DCTN1: variants seen among roughly 807,000 people sequenced by gnomAD.
DCTN1 encodes the protein 150 kDa dynein-associated polypeptide.
In DCTN1, 61 loss-of-function variants were observed where a neutral mutation model predicts 161.2. The ratio of observed to expected loss-of-function variants is 0.38; its 90% CI spans 0.31 to 0.47. The LOEUF (loss-of-function observed/expected upper bound fraction) is 0.47. Among genes scored for constraint, DCTN1 ranks in the 20% least tolerant of loss-of-function variants. DCTN1 has a pLI of 0.99. For missense variants in DCTN1, 1,404 were observed against 1,623.7 expected (o/e 0.86, Z 2.33); for synonymous variants, 653 against 632.4 (o/e 1.03, Z -0.49).
chr2:74,361,465 G>C lies in DCTN1; in HGVS notation c.*34C>G. ...TCGGGCAGAGCGGCACCAGAGGGCT[G>C]AGGGTCGAAGGGGACAGCAGGGGAA... On this transcript the variant is annotated 3_prime_UTR_variant, in exon 32 of 32. Coordinates refer to ENST00000628224, the MANE Select transcript of DCTN1 (RefSeq NM_004082.5). 2 of 1,613,682 alleles carry C rather than the reference G, an allele frequency of 1.2e-6. No homozygotes were observed. The highest frequency in any genetic ancestry group is 1.7e-6 in the Non-Finnish European group (2 of 1,180,000).
In DCTN1 at chr2:74,369,107, G is replaced by A. The variant is rs886043620; in HGVS notation, c.1692C>T (p.Ala564=). 4 of 1,614,054 alleles carry A rather than the reference G, an allele frequency of 2.5e-6. No homozygotes were observed. Among genetic ancestry groups the A allele is most frequent in the African/African-American group, 2.7e-5 (2 of 74,940 alleles). The change falls in exon 15 of 32, where the codon GCC becomes GCT. Residue 564 remains alanine (A), a synonymous_variant. Coordinates refer to ENST00000628224, the MANE Select transcript of DCTN1 (RefSeq NM_004082.5). The surrounding 1 kb of genome is among the most constrained non-coding windows in gnomAD (Gnocchi z 4.9). ...DFKIKFAETK[A]HAKAIEMELR... ...CACACACTTTCCTGACCTTGGCATG[G>A]GCCTTAGTCTCAGCAAACTTGATTT...
chr2:74,371,210 C>T (rs764212988), intron 8 of DCTN1, 34 bp from the exon 9 acceptor site: 6 of 1,610,770 alleles, frequency 3.7e-6, no homozygotes, highest in Non-Finnish European at 5.1e-6. Flanking sequence ...CTGTGCACAG[C>T]CCACTCCTCC....
At position 74,362,694 on chromosome 2, in the gene DCTN1, C is replaced by T. The variant is rs1341287875; in HGVS notation, c.3565G>A (p.Val1189Met). The T allele has an allele frequency of 4.3e-6, 7 of 1,614,052 alleles. No homozygotes were observed. Among genetic ancestry groups the T allele is most frequent in the Non-Finnish European group, 5.9e-6 (7 of 1,179,990 alleles). Residue 1189 changes from valine to methionine, a missense_variant, in exon 30 of 32, where the codon GTG becomes ATG. Physicochemically the swap from Val to Met is conservative, Grantham distance 21 (BLOSUM62 1). This residue lies in a region of DCTN1 where 311 missense variants were observed against 298.9 expected (regional missense o/e 1.04). Transcript: ENST00000628224. The part of the protein sequence containing the change: ...KSPSAQLMEQ[V>M]AQLKSLSDTV... ...TCACTCAGGGACTTAAGCTGAGCCA[C>T]TTGCTCCATAAGTTGGGCCGACGGG...
chr2:74,367,787 G>C lies in DCTN1; in HGVS notation c.2093C>G (p.Ser698Cys). 1 of 1,614,138 alleles carries C rather than the reference G, an allele frequency of 6.2e-7. No homozygotes were observed. The highest frequency in any genetic ancestry group is 8.5e-7 in the Non-Finnish European group (1 of 1,180,036). Residue 698 changes from serine to cysteine, a missense_variant, in exon 18 of 32, where the codon TCC (serine) becomes TGC (cysteine). Ser to Cys is a moderately radical substitution (Grantham distance 112). Around this residue, in one of 9 missense-constraint regions of DCTN1, gnomAD observed 475 missense variants for 489.8 expected, o/e 0.97. Transcript: ENST00000628224. The stretch of plus-strand genomic sequence containing the variant: ...CAGCAGTTCAATGAGGAAATCCAAG[G>C]AGCGCTCATGGGCACTCATCTCAGG... ...LYPEMSAHER[S>C]LDFLIELLHK... is the part of the protein sequence containing the mutation.
chr2:74,375,383 C>T lies in DCTN1; in HGVS notation c.415-1043G>A, dbSNP rs2103703083. On this transcript the variant is annotated intron_variant, in intron 5 of 31. Coordinates refer to ENST00000628224, the MANE Select transcript of DCTN1 (RefSeq NM_004082.5). ...CATGGGTGAGAGCAGGGGCCCTCTG[C>T]TTTGAAAAATAACTACTGGAGAGGA... Among the ~76,000 whole-genome samples the T allele has an allele frequency of 1.3e-5, 2 of 152,380 alleles. 1 individual carries two copies. The highest frequency in any genetic ancestry group is 4.1e-4 in the South Asian group (2 of 4,834).
chr2:74,363,527 T>C (rs2104398747), intron 27 of DCTN1, 87 bp downstream of exon 27: 1 of 1,597,192 alleles, frequency 6.3e-7, no homozygotes, highest in Non-Finnish European at 8.5e-7. Context: ...CCATCACCCA[T>C]CTCCAGTCCT....
chr2:74,369,081 CCA>C lies in DCTN1; in HGVS notation c.1701+15_1701+16del. On this transcript the variant is annotated intron_variant, in intron 15 of 31. Transcript: ENST00000628224. This position sits in a 1 kb window ranked among gnomAD's most constrained non-coding sequence, Gnocchi z 4.9. ...CATCCCAGGCAGGGCTCCCTCAGAC[CCA>C]CACACTTTCCTGACCTTGGCATGGG... 1 of 1,612,862 alleles carries C rather than the reference CCA, an allele frequency of 6.2e-7. No homozygotes were observed. Among genetic ancestry groups the C allele is most frequent in the Non-Finnish European group, 8.5e-7 (1 of 1,179,142 alleles).
intron 3 of DCTN1, 33 bp downstream of exon 3, chr2:74,377,615 A>G (rs1675300597): frequency 6.3e-7 from 1 of 1,589,494 alleles, no homozygotes; most frequent in African/African-American, 1.3e-5. Flanking sequence ...CCTCCTGGCT[A>G]TGGGGAGGCA....
chr2:74,376,667 C>T, intron 5 of DCTN1, 75 bp downstream of exon 5: 1 of 1,407,052 alleles, frequency 7.1e-7, no homozygotes, highest in South Asian at 1.2e-5. Flanking sequence ...ATGCAGCAGC[C>T]CAGGGACATG....
chr2:74,362,777 G>T (rs1322654047), intron 29 of DCTN1, 48 bp from the exon 30 acceptor site: 1 of 1,575,470 alleles, frequency 6.3e-7, no homozygotes. Flanking sequence ...CAGGCAGGCA[G>T]TTCTACTGGA....
At chr2:74,391,811 C>G (rs778853060) in exon 1 of DCTN1, 4 of 453,804 alleles carry the variant, frequency 8.8e-6, no homozygotes, top group Non-Finnish European at 1.8e-5. Context: ...GTGAGGGGCT[C>G]CGCGCCCAGC....
rs1219824885 is a variant in DCTN1 at position 74,370,784 on chromosome 2, C to T, written c.885G>A (p.Glu295=). The change falls in exon 10 of 32, where the codon GAG becomes GAA. Residue 295 remains glutamate (E), a synonymous_variant. Coordinates refer to ENST00000628224, the MANE Select transcript of DCTN1 (RefSeq NM_004082.5). This position sits in a 1 kb window ranked among gnomAD's most constrained non-coding sequence, Gnocchi z 4.4. The part of the protein sequence containing the change: ...EALEAKERYM[E]EMADTADAIE... ...TGGCATCAGCAGTATCAGCCATCTCCTCCATATAGCGTTCCTTTGCCTCCA... is the reference window on the plus strand; with the variant it reads ...TGGCATCAGCAGTATCAGCCATCTCTTCCATATAGCGTTCCTTTGCCTCCA... The T allele has an allele frequency of 2.5e-6, 4 of 1,614,254 alleles. No homozygotes were observed. Among genetic ancestry groups the T allele is most frequent in the Non-Finnish European group, 3.4e-6 (4 of 1,180,048 alleles).
intron 4 of DCTN1, 151 bp from the exon 5 acceptor site, chr2:74,376,913 A>G: frequency 1.3e-6 from 1 of 745,352 alleles, no homozygotes; most frequent in Non-Finnish European, 2.4e-6. Flanking sequence ...CAGGATGTTC[A>G]CACCTTGGCC....
rs1480317263 is a variant in DCTN1, at chr2:74,368,794, G to T, written c.1788C>A (p.Phe596Leu). ...SLLTAFMPDS[F>L]LRPGGDHDCV... ...AGTCATGGTCCCCACCTGGCCGAAG[G>T]AAGCTGTCAGGCATGAAGGCTGTCA... Residue 596 changes from phenylalanine (F) to leucine (L), a missense_variant, in exon 16 of 32, where the codon TTC becomes TTA. Transcript: ENST00000628224. 2 of 1,614,260 alleles carry T rather than the reference G, an allele frequency of 1.2e-6. No individual in the cohort carries two copies. Among genetic ancestry groups the T allele is most frequent in the Non-Finnish European group, 1.7e-6 (2 of 1,180,058 alleles).
chr2:74,382,333 C>T (rs1675545961), upstream of DCTN1, among the ~76,000 whole-genome samples: 1 of 152,164 alleles, frequency 6.6e-6, no homozygotes, highest in South Asian at 2.1e-4. Context: ...GGTGTGGTGG[C>T]TCATGCCTGT....
At chr2:74,376,533 T>C (rs1271491894) in intron 5 of DCTN1, among the ~76,000 whole-genome samples, 1 of 152,190 alleles carries the variant, frequency 6.6e-6, no homozygotes, top group East Asian at 1.9e-4. Flanking sequence ...GAGAGAATCA[T>C]CCCTAATGAG....
rs151107870 is a variant in DCTN1, at chr2:74,370,811, C to T, written c.858G>A (p.Ala286=). 49 of 1,614,116 alleles carry T rather than the reference C, an allele frequency of 3.0e-5. No homozygotes were observed. Among genetic ancestry groups the T allele is most frequent in the African/African-American group, 6.7e-5 (5 of 74,932 alleles). The stretch of plus-strand genomic sequence containing the variant: ...CCATATAGCGTTCCTTTGCCTCCAG[C>T]GCCTCCTTGGCTTCCTGAGGAAGAA... ...LKEARKEAKE[A]LEAKERYMEE... is the part of the protein sequence containing the mutation. The change falls in exon 10 of 32, where the codon GCG becomes GCA. Residue 286 remains alanine, a synonymous_variant. Coordinates refer to ENST00000628224, the MANE Select transcript of DCTN1 (RefSeq NM_004082.5). The surrounding 1 kb of genome is among the most constrained non-coding windows in gnomAD (Gnocchi z 4.4).
At chr2:74,371,249 A>T in intron 8 of DCTN1, 73 bp from the exon 9 acceptor site, 1 of 1,606,690 alleles carries the variant, frequency 6.2e-7, no homozygotes, top group Non-Finnish European at 8.5e-7. Flanking sequence ...TGGCGCAAAG[A>T]ACACAAGAAA....
Position 74,369,512 on chromosome 2 carries a change from T to G in DCTN1, c.1393-21A>C, listed in dbSNP as rs765867164. On this transcript the variant is annotated intron_variant, in intron 13 of 31. Coordinates refer to ENST00000628224, the MANE Select transcript of DCTN1 (RefSeq NM_004082.5). The surrounding 1 kb of genome is among the most constrained non-coding windows in gnomAD (Gnocchi z 4.9). ...GCTTCCTAGGACACCACACCATAGT[T>G]TGGGCTAAAGAAAGGCAGGGTCGGC... The G allele has an allele frequency of 3.7e-6, 6 of 1,609,808 alleles. No homozygotes were observed. Among genetic ancestry groups the G allele is most frequent in the Non-Finnish European group, 5.1e-6 (6 of 1,179,958 alleles).
Sources: gnomAD v4.1 joint callset for allele counts (sites outside exome capture counted in the v4.1 genomes callset) on GRCh38, gnomAD v4.1.1 for gene constraint, gnomAD v4.1.1 regional missense constraint, Gnocchi (gnomAD v3.1) non-coding constraint, MANE v1.5 for transcripts, NCBI Gene and HGNC (gene_info 2026-07-23, HGNC 2026-07-21) for gene names.